The following XPR1 variants were observed in gnomAD, a reference collection of about 807,000 sequenced individuals.
XPR1 encodes the protein xenotropic and polytropic retrovirus receptor 1.
Under a neutral mutation model 87.5 loss-of-function variants are expected in XPR1, and 28 were observed. That is an observed-to-expected ratio of 0.32 (90% CI 0.24 to 0.44). XPR1 has a LOEUF of 0.44. XPR1 is among the 20% of genes least tolerant of loss of function. The pLI is 1.00. For synonymous variants in XPR1, 300 were observed against 306.1 expected, an observed-to-expected ratio of 0.98 and a Z score of 0.21; for missense variants, 559 against 862.3, an observed-to-expected ratio of 0.65 and a Z score of 4.41.
At chr1:180,704,244 G>GGATATATA (rs1657464801) in intron 2 of XPR1, among the ~76,000 whole-genome samples, 1 of 16,384 alleles carries the variant, frequency 6.1e-5, no homozygotes, top group Non-Finnish European at 1.2e-4. Flanking sequence ...TATAGGTGCT[G>GGATATATA]GATATATATA....
chr1:180,783,219 A>G (rs954107468), intron 2 of XPR1, among the ~76,000 whole-genome samples: 17 of 152,032 alleles, frequency 1.1e-4, no homozygotes, highest in Non-Finnish European at 1.9e-4. Flanking sequence ...GTGCCACTGC[A>G]CTTCAGCCTA....
At chr1:180,755,549 T>A (rs1647701379) in intron 2 of XPR1, among the ~76,000 whole-genome samples, 1 of 152,152 alleles carries the variant, frequency 6.6e-6, no homozygotes, top group South Asian at 2.1e-4. Context: ...TTTCCCTGAT[T>A]TCATATAGCT....
At chr1:180,667,281 A>G (rs1456336255) in intron 1 of XPR1, among the ~76,000 whole-genome samples, 1 of 152,058 alleles carries the variant, frequency 6.6e-6, no homozygotes, top group East Asian at 1.9e-4. Context: ...GGTAGTTTCT[A>G]TACCTAGTCT....
chr1:180,840,108 A>C (rs1426597089), intron 11 of XPR1, among the ~76,000 whole-genome samples: 1 of 151,576 alleles, frequency 6.6e-6, no homozygotes, highest in Non-Finnish European at 1.5e-5. Flanking sequence ...CTGTAGTCCC[A>C]GCTACTCGGG....
At chr1:180,834,789 T>C in intron 9 of XPR1, 85 bp from the exon 10 acceptor site, 1 of 1,406,452 alleles carries the variant, frequency 7.1e-7, no homozygotes, top group Non-Finnish European at 9.5e-7. Flanking sequence ...ACTAAAGTAA[T>C]CATGCTGAAT....
At chr1:180,691,748 G>T (rs890088849) in intron 2 of XPR1, among the ~76,000 whole-genome samples, 1 of 152,132 alleles carries the variant, frequency 6.6e-6, no homozygotes, top group African/African-American at 2.4e-5. Flanking sequence ...GAAGATGAAA[G>T]TGCGCTTGTA....
chr1:180,779,957 G>T (rs1648873486), intron 2 of XPR1, among the ~76,000 whole-genome samples: 2 of 152,068 alleles, frequency 1.3e-5, no homozygotes, highest in African/African-American at 4.8e-5. Context: ...TTCTCTCTTA[G>T]CATAATATTT....
At chr1:180,704,976 CTT>C (rs1346506124) in intron 2 of XPR1, among the ~76,000 whole-genome samples, 7 of 151,178 alleles carry the variant, frequency 4.6e-5, no homozygotes, top group Non-Finnish European at 2.9e-5. Context: ...TATATACACT[CTT>C]ATAAATATAA....
intron 2 of XPR1, among the ~76,000 whole-genome samples, chr1:180,769,455 T>TTCTCTCTCTC (rs113535211): frequency 8.4e-6 from 1 of 118,686 alleles, no homozygotes; most frequent in African/African-American, 3.2e-5. Flanking sequence ...TAACCATCCT[T>TTCTCTCTCTC]TCTCTCTCTC....
intron 2 of XPR1, among the ~76,000 whole-genome samples, chr1:180,747,200 G>C (rs1251608476): frequency 1.3e-5 from 2 of 152,076 alleles, no homozygotes; most frequent in African/African-American, 4.8e-5. Context: ...CTAAAACTTA[G>C]ACGTAAGTAT....
chr1:180,885,523 A>G lies in XPR1; in HGVS notation c.*1457A>G, dbSNP rs576879124. On this transcript the variant is annotated 3_prime_UTR_variant, in exon 15 of 15. Coordinates refer to ENST00000367590, the MANE Select transcript of XPR1 (RefSeq NM_004736.4). Reference sequence around the variant, plus strand: ...CATCCAAATAAGCCTGAAAACCATAAGAGATATTACTTTATTGAATATGGT... The same window carrying G: ...CATCCAAATAAGCCTGAAAACCATAGGAGATATTACTTTATTGAATATGGT... 1 of 152,332 alleles carries G rather than the reference A, an allele frequency of 6.6e-6. No individual in the cohort carries two copies. Among genetic ancestry groups the G allele is most frequent in the African/African-American group, 2.4e-5 (1 of 41,576 alleles). 9.4% of individuals were successfully genotyped at this position (152,332 alleles called of 1,614,324 possible).
At chr1:180,769,372 GT>G (rs1249501150) in intron 2 of XPR1, among the ~76,000 whole-genome samples, 239 of 134,342 alleles carry the variant, frequency 1.8e-3, no homozygotes, top group African/African-American at 4.6e-3. Context: ...GTTTTTTTGT[GT>G]TTTTTTTTTT....
chr1:180,837,049 A>G (rs1651317982), intron 11 of XPR1, among the ~76,000 whole-genome samples: 1 of 152,158 alleles, frequency 6.6e-6, no homozygotes, highest in South Asian at 2.1e-4. Context: ...AGGTTGGGAA[A>G]TGTCTTGGTG....
At chr1:180,736,289 AT>A (rs910166415) in intron 2 of XPR1, among the ~76,000 whole-genome samples, 37 of 152,196 alleles carry the variant, frequency 2.4e-4, no homozygotes, top group Admixed American at 2.4e-3. Context: ...ACCTGAAATA[AT>A]TACAGTGAGA....
At chr1:180,666,980 A>G (rs991388606) in intron 1 of XPR1, among the ~76,000 whole-genome samples, 4 of 151,842 alleles carry the variant, frequency 2.6e-5, no homozygotes, top group African/African-American at 9.7e-5. Context: ...CAGTGGCGCA[A>G]TCTTGGCTTA....
At chr1:180,775,469 T>G (rs1283172335) in intron 2 of XPR1, among the ~76,000 whole-genome samples, 1 of 152,178 alleles carries the variant, frequency 6.6e-6, no homozygotes, top group Non-Finnish European at 1.5e-5. Context: ...TCAGTTAAGT[T>G]AATAATAGTA....
At chr1:180,665,706 G>A (rs1460085260) in intron 1 of XPR1, among the ~76,000 whole-genome samples, 1 of 152,130 alleles carries the variant, frequency 6.6e-6, no homozygotes, top group Admixed American at 6.6e-5. Context: ...TTCTCTCTCT[G>A]TGCCACACAG....
At chr1:180,829,985 A>G (rs1161825117) in intron 9 of XPR1, among the ~76,000 whole-genome samples, 1 of 150,810 alleles carries the variant, frequency 6.6e-6, no homozygotes. Flanking sequence ...GAGTAATGAT[A>G]GTCTGTCTCA....
intron 2 of XPR1, among the ~76,000 whole-genome samples, chr1:180,704,439 T>G (rs1183095102): frequency 1.3e-5 from 2 of 151,352 alleles, no homozygotes; most frequent in Non-Finnish European, 3.0e-5. Flanking sequence ...TTGGTTATTC[T>G]TACATACAGA....
Sources: gnomAD v4.1 joint callset for allele counts (sites outside exome capture counted in the v4.1 genomes callset) on GRCh38, gnomAD v4.1.1 for gene constraint, MANE v1.5 for transcripts, NCBI Gene and HGNC (gene_info 2026-07-23, HGNC 2026-07-21) for gene names.